Variants in RBPJ observed in about 807,000 individuals in gnomAD.
The protein encoded by RBPJ is recombining binding protein suppressor of hairless.
RBPJ carries 9 observed loss-of-function variants against 67.8 expected under a neutral mutation model. The ratio of observed to expected loss-of-function variants is 0.13; its 90% CI spans 0.08 to 0.23. The LOEUF (loss-of-function observed/expected upper bound fraction) is 0.23. Among genes scored for constraint, RBPJ ranks in the 10% least tolerant of loss-of-function variants. The pLI is 1.00. For missense variants in RBPJ, 305 were observed against 595.6 expected (o/e 0.51, Z 5.08); for synonymous variants, 198 against 203.3 (o/e 0.97, Z 0.22).
At chr4:26,151,774 T>C in the RBPJ span, among the ~76,000 whole-genome samples, 2 of 152,254 alleles carry the variant, frequency 1.3e-5, no homozygotes, top group Admixed American at 1.3e-4. Context: ...CTGTTTGTTA[T>C]GGCCCATCTC....
intron 1 of RBPJ, among the ~76,000 whole-genome samples, chr4:26,286,383 G>A (rs762160967): frequency 1.3e-5 from 2 of 149,850 alleles, no homozygotes; most frequent in African/African-American, 5.0e-5. Flanking sequence ...GGAGGCTGAA[G>A]GATCACATGA....
At chr4:26,347,009 T>A (rs566663421) in intron 1 of RBPJ, among the ~76,000 whole-genome samples, 23 of 151,696 alleles carry the variant, frequency 1.5e-4, no homozygotes, top group Admixed American at 1.2e-3. Flanking sequence ...AAATAAAAAA[T>A]AAAAATAAAA....
At chr4:26,122,267 G>C in the RBPJ span, among the ~76,000 whole-genome samples, 1 of 152,130 alleles carries the variant, frequency 6.6e-6, no homozygotes, top group Non-Finnish European at 1.5e-5. Flanking sequence ...AGCCATATCT[G>C]ATGTGAGTCC....
chr4:26,136,403 T>C, the RBPJ span, among the ~76,000 whole-genome samples: 1 of 152,134 alleles, frequency 6.6e-6, no homozygotes, highest in African/African-American at 2.4e-5. Context: ...AGCCCTTCCT[T>C]GTTGACTCCC....
chr4:26,357,554 GTTTA>G (rs1415044953), intron 1 of RBPJ, among the ~76,000 whole-genome samples: 2 of 150,368 alleles, frequency 1.3e-5, no homozygotes, highest in Non-Finnish European at 2.9e-5. Context: ...GGTGTGTTCA[GTTTA>G]TTTATTGTAG....
At chr4:26,135,910 C>T in the RBPJ span, among the ~76,000 whole-genome samples, 76,637 of 151,840 alleles carry the variant, frequency 0.5, 19,384 homozygotes, top group East Asian at 0.59. Context: ...CTTACGCTAC[C>T]AATAAAGACA....
At chr4:26,162,787 C>T (rs1472462133), upstream of RBPJ, among the ~76,000 whole-genome samples, 1 of 152,300 alleles carries the variant, frequency 6.6e-6, no homozygotes, top group East Asian at 1.9e-4. Flanking sequence ...AGAGGTGGAC[C>T]TAGACTGTAT....
At chr4:26,312,472 A>G (rs751164210) in intron 1 of RBPJ, among the ~76,000 whole-genome samples, 61 of 151,986 alleles carry the variant, frequency 4.0e-4, no homozygotes, top group Non-Finnish European at 6.9e-4. Context: ...GCCTTTCCCT[A>G]TTCTATGTAC....
At chr4:26,182,351 A>G (rs893620617) in intron 1 of RBPJ, among the ~76,000 whole-genome samples, 4 of 152,152 alleles carry the variant, frequency 2.6e-5, no homozygotes, top group African/African-American at 9.7e-5. Context: ...CAAAAAAACA[A>G]ACAAACAAAC....
intron 1 of RBPJ, among the ~76,000 whole-genome samples, chr4:26,277,118 A>C (rs1721110610): frequency 6.6e-6 from 1 of 151,312 alleles, no homozygotes. Flanking sequence ...CATTTCTAAA[A>C]AAAAAAAAAA....
chr4:26,388,425 C>G (rs1731138828), intron 2 of RBPJ, among the ~76,000 whole-genome samples: 1 of 152,208 alleles, frequency 6.6e-6, no homozygotes, highest in African/African-American at 2.4e-5. Flanking sequence ...TCATACTACT[C>G]ACTTCTGTTG....
At chr4:26,218,612 C>G (rs1718798541) in intron 1 of RBPJ, among the ~76,000 whole-genome samples, 1 of 152,214 alleles carries the variant, frequency 6.6e-6, no homozygotes, top group African/African-American at 2.4e-5. Flanking sequence ...GTCGCTGTTG[C>G]TGTCTGTGCC....
rs1226557831 is a variant in RBPJ at position 26,193,877 on chromosome 4, A to G, written c.-167+30263A>G. ...GGCCCCTATTGCCTTCTCAGCCTCT[A>G]TCTCCCTGCATAGTTTCCCATTCTC... On this transcript the variant is annotated intron_variant, in intron 1 of 4. Transcript: ENST00000512351. 2.6e-5 allele frequency among the ~76,000 whole-genome samples: 4 copies of G among 152,012 alleles called. No homozygotes were observed. The East Asian group carries it at 5.8e-4, about 22-fold the overall frequency.
At chr4:26,331,375 C>T (rs1724235385) in intron 1 of RBPJ, among the ~76,000 whole-genome samples, 1 of 151,958 alleles carries the variant, frequency 6.6e-6, no homozygotes, top group Admixed American at 6.6e-5. Flanking sequence ...GTGTGAACCC[C>T]TGTACCCAAC....
Position 26,326,664 on chromosome 4 carries a change from G to T in RBPJ, c.20+5616G>T, listed in dbSNP as rs564030674. ...ATGATAATTATATTTTATCTGTCAG[G>T]CACATTGTGACTGTCAAATAAGGTA... On this transcript the variant is annotated intron_variant, in intron 1 of 10. Coordinates refer to ENST00000355476, the MANE Select transcript of RBPJ (RefSeq NM_015874.6). Among the ~76,000 whole-genome samples, 3 of 130,262 alleles carry T rather than the reference G, an allele frequency of 2.3e-5. No individual in the cohort carries two copies. In the East Asian group the frequency reaches 6.5e-4, roughly 28 times the overall value. The allele number at this position is 130,262 out of a possible 152,430, so 85.5% of individuals were successfully genotyped here. A position where few individuals can be genotyped will look rare whatever the true frequency, so the allele number is the denominator to read the frequency against.
the RBPJ span, among the ~76,000 whole-genome samples, chr4:26,132,901 A>C: frequency 6.6e-6 from 1 of 152,156 alleles, no homozygotes; most frequent in African/African-American, 2.4e-5. Context: ...TAAATCCCTA[A>C]GGCCCTGCTC....
chr4:26,313,705 A>G, intron 1 of RBPJ, among the ~76,000 whole-genome samples: 1 of 151,622 alleles, frequency 6.6e-6, no homozygotes, highest in Non-Finnish European at 1.5e-5. Context: ...GCATGGTGGC[A>G]TGTACCTGTA....
intron 1 of RBPJ, among the ~76,000 whole-genome samples, chr4:26,164,135 GATGTTGTCTCGAAACTC>G: frequency 6.6e-6 from 1 of 152,172 alleles, no homozygotes; most frequent in Non-Finnish European, 1.5e-5. Context: ...CTGAAAGCAG[GATGTTGTCTCGAAACTC>G]ACCGCTGGGA....
the RBPJ span, among the ~76,000 whole-genome samples, chr4:26,133,263 C>T: frequency 6.6e-6 from 1 of 152,182 alleles, no homozygotes; most frequent in Admixed American, 6.5e-5. Flanking sequence ...TTTCCATCAC[C>T]CCAGTTTACA....
Sources: gnomAD v4.1 joint callset for allele counts (sites outside exome capture counted in the v4.1 genomes callset) on GRCh38, gnomAD v4.1.1 for gene constraint, MANE v1.5 for transcripts, NCBI Gene and HGNC (gene_info 2026-07-23, HGNC 2026-07-21) for gene names.